The following NUP98 variants were observed in gnomAD, a reference collection of about 807,000 sequenced individuals.
NUP98 encodes the protein nuclear pore complex protein Nup98-Nup96.
Under a neutral mutation model 191.9 loss-of-function variants are expected in NUP98, and 26 were observed. The ratio of observed to expected loss-of-function variants is 0.14; its 90% CI spans 0.10 to 0.19. NUP98 has a LOEUF of 0.19. Among genes scored for constraint, NUP98 ranks in the 10% least tolerant of loss-of-function variants. The pLI is 1.00. For synonymous variants in NUP98, 808 were observed against 778.4 expected, an observed-to-expected ratio of 1.04 and a Z score of -0.63; for missense variants, 1,941 against 2,178.8, an observed-to-expected ratio of 0.89 and a Z score of 2.17.
At chr11:3,693,767 A>G (rs774002061) in intron 26 of NUP98, among the ~76,000 whole-genome samples, 18 of 152,202 alleles carry the variant, frequency 1.2e-4, no homozygotes, top group Non-Finnish European at 2.5e-4. Flanking sequence ...CTCACTGTCT[A>G]TGGTTGTCAA....
At chr11:3,691,932 A>G (rs1262777211) in intron 27 of NUP98, among the ~76,000 whole-genome samples, 2 of 152,214 alleles carry the variant, frequency 1.3e-5, no homozygotes, top group East Asian at 1.9e-4. Context: ...GCTTGAGCCT[A>G]TAATCCCAGC....
In NUP98 at chr11:3,695,572, A is replaced by G. The variant is rs2134077640; in HGVS notation, c.4044T>C (p.Phe1348=). ...GCTCCCGGACTGACTGGCTACCCAC[A>G]AACTGAGATAAAAGAAGAGCAAGAC... ...DHRLALLLSQ[F]VGSQSVRELL... Residue 1348 remains phenylalanine (F), a synonymous_variant, in exon 26 of 33, where the codon TTT becomes TTC. Transcript: ENST00000324932. The G allele has an allele frequency of 6.3e-7, 1 of 1,598,992 alleles. No individual in the cohort carries two copies. Among genetic ancestry groups the G allele is most frequent in the Non-Finnish European group, 8.5e-7 (1 of 1,173,778 alleles).
intron 14 of NUP98, among the ~76,000 whole-genome samples, chr11:3,729,580 G>T (rs2079757958): frequency 6.7e-6 from 1 of 148,738 alleles, no homozygotes; most frequent in South Asian, 2.1e-4. Context: ...TACTGGGCAT[G>T]GTGGTGTGGG....
chr11:3,716,270 C>T (rs1285804179), intron 18 of NUP98, among the ~76,000 whole-genome samples: 1 of 151,796 alleles, frequency 6.6e-6, no homozygotes, highest in Non-Finnish European at 1.5e-5. Context: ...TAACTTCACT[C>T]TTTTGTATGT....
chr11:3,734,440 C>T (rs1192492218), intron 13 of NUP98, among the ~76,000 whole-genome samples: 1 of 152,230 alleles, frequency 6.6e-6, no homozygotes, highest in Non-Finnish European at 1.5e-5. Context: ...GAGCAATTTA[C>T]TATGATCCTG....
At chr11:3,749,517 T>C (rs895830088) in intron 11 of NUP98, among the ~76,000 whole-genome samples, 6 of 151,840 alleles carry the variant, frequency 4.0e-5, no homozygotes, top group South Asian at 2.1e-4. Context: ...CCCAGCTACA[T>C]GGGAGGCTGA....
At position 3,753,345 on chromosome 11, in the gene NUP98, C is replaced by A; in HGVS notation, c.1238G>T (p.Gly413Val). 1 of 1,614,122 alleles carries A rather than the reference C, an allele frequency of 6.2e-7. No individual in the cohort carries two copies. The highest frequency in any genetic ancestry group is 8.5e-7 in the Non-Finnish European group (1 of 1,180,006). The stretch of plus-strand genomic sequence containing the variant: ...TCCAAATCCTGCACCAAGCCCAGTT[C>A]CAAGAGTCCCAGGTGCTGGTTTACT... Reference protein sequence around the residue: ...FGSKPAPGTLGTGLGAGFGTA... With the variant: ...FGSKPAPGTLVTGLGAGFGTA... The change falls in exon 11 of 33, where the codon GGA (glycine) becomes GTA (valine). Residue 413 changes from glycine to valine, a missense_variant. By Grantham distance (109) the Gly-to-Val change is moderately radical (BLOSUM62 -3). Around this residue, in one of 6 missense-constraint regions of NUP98, gnomAD observed 453 missense variants for 438.2 expected, o/e 1.03. Transcript: ENST00000324932.
chr11:3,760,755 G>A (rs1327314060), intron 9 of NUP98, 129 bp from the exon 10 acceptor site: 4 of 635,752 alleles, frequency 6.3e-6, no homozygotes, highest in East Asian at 2.8e-5. Flanking sequence ...TCATAAAAAA[G>A]GTAGAAAAAA....
intron 10 of NUP98, among the ~76,000 whole-genome samples, chr11:3,756,579 T>TGC (rs1449686108): frequency 2.0e-5 from 3 of 151,460 alleles, no homozygotes; most frequent in Admixed American, 2.0e-4. Flanking sequence ...TGCACCACCA[T>TGC]GCCCAGCTAA....
At chr11:3,730,664 G>T (rs551436142) in intron 14 of NUP98, among the ~76,000 whole-genome samples, 1 of 151,852 alleles carries the variant, frequency 6.6e-6, no homozygotes, top group African/African-American at 2.4e-5. Context: ...ATGCCCGGCC[G>T]GATTACTGTA....
chr11:3,795,359 T>C (rs56163942), intron 1 of NUP98, among the ~76,000 whole-genome samples: 27,666 of 152,086 alleles, frequency 0.18, 2,673 homozygotes, highest in East Asian at 0.26. Flanking sequence ...GGTGGGAAGA[T>C]TGCTTGAGCC....
chr11:3,699,111 C>G lies in NUP98; in HGVS notation c.3980G>C (p.Ser1327Thr). 6.2e-7 allele frequency: 1 copy of G among 1,613,114 alleles called. No individual in the cohort carries two copies. The highest frequency in any genetic ancestry group is 8.5e-7 in the Non-Finnish European group (1 of 1,180,036). The part of the protein sequence containing the change: ...VFSYLTGKRI[S>T]EACSLAQQSG... ...CTGCTGGGCCAGAGAGCAGGCCTCA[C>G]TGATCCTTTTGCCTGTGAGGTAGCT... The change falls in exon 25 of 33, where the codon AGT becomes ACT. Residue 1327 changes from serine (S) to threonine (T), a missense_variant. Ser to Thr is a moderately conservative substitution (Grantham distance 58). Transcript: ENST00000324932.
intron 8 of NUP98, among the ~76,000 whole-genome samples, chr11:3,767,670 A>G (rs1480743397): frequency 6.6e-6 from 1 of 152,182 alleles, no homozygotes; most frequent in Non-Finnish European, 1.5e-5. Flanking sequence ...AAGACGAGGT[A>G]AATTCCAAGT....
At chr11:3,734,922 T>C (rs542058787) in intron 13 of NUP98, among the ~76,000 whole-genome samples, 63 of 152,258 alleles carry the variant, frequency 4.1e-4, no homozygotes, top group African/African-American at 1.5e-3. Flanking sequence ...TTGTTTTAAT[T>C]AAAAATGAGA....
intron 26 of NUP98, 76 bp downstream of exon 26, chr11:3,695,373 T>C (rs984764541): frequency 2.8e-5 from 37 of 1,330,570 alleles, no homozygotes; most frequent in Non-Finnish European, 3.3e-5. Flanking sequence ...CAAAGATCAC[T>C]CCTTGCCTCA....
intron 28 of NUP98, 95 bp downstream of exon 28, chr11:3,691,252 A>G: frequency 7.4e-7 from 1 of 1,351,528 alleles, no homozygotes; most frequent in Non-Finnish European, 1.0e-6. Context: ...GACTTACAGC[A>G]ATCTGGGGAC....
rs777947710 is a variant in NUP98 at position 3,776,121 on chromosome 11, A to ATTTT, written c.356-104_356-101dup. The ATTTT allele has an allele frequency of 7.1e-4, 384 of 538,160 alleles. 1 individual carries two copies. The highest frequency in any genetic ancestry group is 1.6e-3 in the Middle Eastern group (3 of 1,840). The allele number at this position is 538,160 out of a possible 1,614,324, so 33.3% of individuals were successfully genotyped here. A position where few individuals can be genotyped will look rare whatever the true frequency, so the allele number is the denominator to read the frequency against. On this transcript the variant is annotated intron_variant, in intron 4 of 32. Coordinates refer to ENST00000324932, the MANE Select transcript of NUP98 (RefSeq NM_016320.5). ...TATGGCACTAGCATCACAGTACTTC[A>ATTTT]TTTTTTTTTTTTTTTTTTGAGACAG...
At chr11:3,688,145 C>T (rs1044024880) in intron 28 of NUP98, among the ~76,000 whole-genome samples, 2 of 152,150 alleles carry the variant, frequency 1.3e-5, no homozygotes, top group East Asian at 1.9e-4. Context: ...TGGCTCACGC[C>T]TGTAATCCCA....
chr11:3,683,101 T>A, intron 30 of NUP98, 99 bp downstream of exon 30: 2 of 1,523,180 alleles, frequency 1.3e-6, no homozygotes, highest in Non-Finnish European at 1.8e-6. Context: ...GATGGCCATG[T>A]CCTACGTTGA....
Sources: allele counts gnomAD v4.1 joint callset (sites outside exome capture counted in the v4.1 genomes callset), GRCh38; gene constraint gnomAD v4.1.1; regional missense constraint gnomAD v4.1.1; transcripts MANE v1.5; gene names NCBI Gene and HGNC (gene_info 2026-07-23, HGNC 2026-07-21).